Variants in LAMA2 observed in about 807,000 individuals in gnomAD.
The protein encoded by LAMA2 is laminin subunit alpha-2.
LAMA2 carries 269 observed loss-of-function variants against 364.8 expected under a neutral mutation model. The observed-to-expected ratio is 0.74, with a 90% CI of 0.67 to 0.82. The LOEUF is 0.82. LAMA2 is among the 40% of genes least tolerant of loss of function. The pLI is 0.00. For missense variants in LAMA2, 3,807 were observed against 3,873.2 expected, an observed-to-expected ratio of 0.98 and a Z score of 0.45; for synonymous variants, 1,379 against 1,370.6, an observed-to-expected ratio of 1.01 and a Z score of -0.14.
chr6:129,021,434 T>A (rs1211447860), intron 1 of LAMA2, among the ~76,000 whole-genome samples: 1 of 152,226 alleles, frequency 6.6e-6, no homozygotes, highest in Non-Finnish European at 1.5e-5. Context: ...ATACATGCTT[T>A]ATGTAATACA....
intron 12 of LAMA2, among the ~76,000 whole-genome samples, chr6:129,217,813 C>T (rs1783523713): frequency 6.6e-6 from 1 of 152,140 alleles, no homozygotes; most frequent in Non-Finnish European, 1.5e-5. Context: ...GACAAAGACA[C>T]CTCCTATTTA....
At chr6:129,386,975 T>G (rs1779050864) in intron 35 of LAMA2, among the ~76,000 whole-genome samples, 1 of 152,172 alleles carries the variant, frequency 6.6e-6, no homozygotes, top group Admixed American at 6.5e-5. Context: ...TGTTTGTTCT[T>G]TTGGTCCTAA....
intron 1 of LAMA2, among the ~76,000 whole-genome samples, chr6:128,947,124 A>T (rs2114557752): frequency 6.6e-6 from 1 of 152,334 alleles, no homozygotes; most frequent in East Asian, 1.9e-4. Context: ...AGCCTTAATT[A>T]GGTATCTATC....
chr6:129,516,517 GTTCT>G lies in LAMA2; in HGVS notation c.*175_*178del. 3.0e-6 allele frequency: 2 copies of G among 657,846 alleles called. No homozygotes were observed. The highest frequency in any genetic ancestry group is 5.3e-6 in the Non-Finnish European group (2 of 379,272). 40.8% of individuals were successfully genotyped at this position (657,846 alleles called of 1,614,324 possible). On this transcript the variant is annotated 3_prime_UTR_variant, in exon 65 of 65. Coordinates refer to ENST00000421865, the MANE Select transcript of LAMA2 (RefSeq NM_000426.4). ...GACTCCAGACTGAATTTTAATTCAAGTTCTTTCTCAAGTCTATAAATAATATTAA... is the reference window on the plus strand; with the variant it reads ...GACTCCAGACTGAATTTTAATTCAAGTTCTCAAGTCTATAAATAATATTAA...
intron 12 of LAMA2, among the ~76,000 whole-genome samples, chr6:129,200,159 T>C (rs951340414): frequency 3.3e-4 from 48 of 146,638 alleles, no homozygotes; most frequent in Non-Finnish European, 6.0e-4. Flanking sequence ...CACGTGTATA[T>C]ATATATACGT....
chr6:129,198,838 A>G (rs1782005665), intron 12 of LAMA2, among the ~76,000 whole-genome samples: 1 of 152,206 alleles, frequency 6.6e-6, no homozygotes, highest in Non-Finnish European at 1.5e-5. Context: ...CTATAATGTC[A>G]GATAAACATT....
intron 19 of LAMA2, among the ~76,000 whole-genome samples, chr6:129,291,272 T>C (rs1428745230): frequency 6.6e-6 from 1 of 152,220 alleles, no homozygotes; most frequent in African/African-American, 2.4e-5. Context: ...TGGACTCACC[T>C]ATATGACACA....
At chr6:129,510,598 A>G (rs6933875) in intron 62 of LAMA2, among the ~76,000 whole-genome samples, 2,915 of 152,254 alleles carry the variant, frequency 0.019, 114 homozygotes, top group African/African-American at 0.067. Context: ...TATCAAGAAT[A>G]TATTATCAAC....
At position 129,454,180 on chromosome 6, in the gene LAMA2, G is replaced by A. The variant is rs779326725; in HGVS notation, c.6599G>A (p.Arg2200His). 2.3e-5 allele frequency: 37 copies of A among 1,612,384 alleles called. No homozygotes were observed. The highest frequency in any genetic ancestry group is 6.7e-5 in the East Asian group (3 of 44,816). ...ATTGACTTTCTGGCTATAGAAATGC[G>A]TAAAGGCAAAGTCAGCTTCCTCTGG... ...KFIDFLAIEM[R>H]KGKVSFLWDV... Residue 2200 changes from arginine to histidine, a missense_variant, in exon 47 of 65, where the codon CGT becomes CAT. Transcript: ENST00000421865.
In LAMA2 at chr6:129,391,626, A is replaced by G. The variant is rs1176522971; in HGVS notation, c.5207A>G (p.Gln1736Arg). The G allele has an allele frequency of 2.5e-6, 4 of 1,613,798 alleles. No individual in the cohort carries two copies. In the African/African-American group the frequency reaches 4.0e-5, roughly 16 times the overall value. ...KELRRKNLETQKEIAEDELVA... is the reference protein window; with the variant it reads ...KELRRKNLETRKEIAEDELVA... ...CTGAGGAGGAAAAATCTAGAGACAC[A>G]AAAGGAAATTGCTGAAGATGAGTTG... The change falls in exon 36 of 65, where the codon CAA becomes CGA. Residue 1736 changes from glutamine to arginine, a missense_variant. Gln to Arg is a conservative substitution (Grantham distance 43, BLOSUM62 1). Coordinates refer to ENST00000421865, the MANE Select transcript of LAMA2 (RefSeq NM_000426.4).
intron 1 of LAMA2, among the ~76,000 whole-genome samples, chr6:129,009,082 G>A (rs965843158): frequency 6.6e-6 from 1 of 152,150 alleles, no homozygotes; most frequent in Non-Finnish European, 1.5e-5. Context: ...TGAATTTTGA[G>A]ATAGGGATCA....
chr6:129,388,720 A>G (rs1779162893), intron 35 of LAMA2, among the ~76,000 whole-genome samples: 1 of 151,994 alleles, frequency 6.6e-6, no homozygotes, highest in Non-Finnish European at 1.5e-5. Flanking sequence ...CATTTAACAA[A>G]GAAAAAACAT....
intron 34 of LAMA2, among the ~76,000 whole-genome samples, chr6:129,375,008 C>A (rs553334530): frequency 6.6e-6 from 1 of 152,018 alleles, no homozygotes; most frequent in Non-Finnish European, 1.5e-5. Flanking sequence ...TAGGAGCTAC[C>A]CTCTCTTCTT....
chr6:129,331,827 A>G (rs1322050917), intron 29 of LAMA2, among the ~76,000 whole-genome samples: 3 of 151,978 alleles, frequency 2.0e-5, no homozygotes, highest in African/African-American at 7.3e-5. Context: ...CCTCTTCTAT[A>G]CTGGATTCAA....
rs999596967 is a variant in LAMA2 at position 129,393,158 on chromosome 6, T to C, written c.5348T>C (p.Val1783Ala). 2.5e-6 allele frequency: 4 copies of C among 1,613,856 alleles called. No individual in the cohort carries two copies. In the African/African-American group the frequency reaches 4.0e-5, roughly 16 times the overall value. The change falls in exon 37 of 65, where the codon GTT becomes GCT. Residue 1783 changes from valine (V) to alanine (A), a missense_variant. Val to Ala is a moderately conservative substitution (Grantham distance 64). Coordinates refer to ENST00000421865, the MANE Select transcript of LAMA2 (RefSeq NM_000426.4). Reference protein sequence around the residue: ...REKLADYKNKVDDAWDLLREA... With the variant: ...REKLADYKNKADDAWDLLREA... Reference sequence around the variant, plus strand: ...AAACTGGCTGACTACAAAAACAAAGTTGATGATGCTTGGGACCTTTTGAGA... The same window carrying C: ...AAACTGGCTGACTACAAAAACAAAGCTGATGATGCTTGGGACCTTTTGAGA...
intron 1 of LAMA2, among the ~76,000 whole-genome samples, chr6:129,029,581 T>C (rs1056658684): frequency 2.0e-5 from 3 of 151,858 alleles, no homozygotes; most frequent in African/African-American, 4.8e-5. Flanking sequence ...TAAAAAAAAT[T>C]AGAAAATGTA....
At chr6:129,032,966 C>A (rs1033985965) in intron 1 of LAMA2, among the ~76,000 whole-genome samples, 2 of 152,102 alleles carry the variant, frequency 1.3e-5, no homozygotes, top group African/African-American at 2.4e-5. Context: ...AAACCACGAA[C>A]TCTACTTTGG....
At chr6:129,116,652 T>C (rs1343145030) in intron 4 of LAMA2, among the ~76,000 whole-genome samples, 2 of 139,548 alleles carry the variant, frequency 1.4e-5, no homozygotes, top group African/African-American at 3.0e-5. Flanking sequence ...TTAAAGGAGA[T>C]GAATTAACAG....
intron 1 of LAMA2, among the ~76,000 whole-genome samples, chr6:128,896,273 A>T (rs1776765916): frequency 6.6e-6 from 1 of 152,008 alleles, no homozygotes; most frequent in Admixed American, 6.6e-5. Flanking sequence ...CTGGCTTGGC[A>T]TATGTCAGAT....
Sources: allele counts gnomAD v4.1 joint callset (sites outside exome capture counted in the v4.1 genomes callset), GRCh38; gene constraint gnomAD v4.1.1; transcripts MANE v1.5; gene names NCBI Gene and HGNC (gene_info 2026-07-23, HGNC 2026-07-21).